Variants in ROBO2 observed in about 807,000 individuals in gnomAD.
The protein encoded by ROBO2 is roundabout homolog 2.
Under a neutral mutation model 160.8 loss-of-function variants are expected in ROBO2, and 53 were observed. The ratio of observed to expected loss-of-function variants is 0.33; its 90% CI spans 0.26 to 0.41. ROBO2 has a LOEUF of 0.41. Among genes scored for constraint, ROBO2 ranks in the 10% least tolerant of loss-of-function variants. ROBO2 has a pLI of 1.00. For missense variants in ROBO2, 1,577 were observed against 1,722.4 expected (o/e 0.92, Z 1.49); for synonymous variants, 664 against 611.7 (o/e 1.09, Z -1.26).
At chr3:76,346,374 C>T (rs2074532504) in intron 2 of ROBO2, among the ~76,000 whole-genome samples, 1 of 152,048 alleles carries the variant, frequency 6.6e-6, no homozygotes. Context: ...ACACCTCTTC[C>T]TTAGAAAGCA....
chr3:77,212,362 T>G (rs1261473582), intron 2 of ROBO2, among the ~76,000 whole-genome samples: 1 of 152,184 alleles, frequency 6.6e-6, no homozygotes, highest in African/African-American at 2.4e-5. Context: ...TCACTCATGA[T>G]TTGGCTCTCT....
At chr3:76,667,596 T>C (rs1274480399) in intron 2 of ROBO2, among the ~76,000 whole-genome samples, 1 of 152,076 alleles carries the variant, frequency 6.6e-6, no homozygotes, top group Non-Finnish European at 1.5e-5. Context: ...TAATTTGACA[T>C]ATTTTAATTG....
intron 2 of ROBO2, among the ~76,000 whole-genome samples, chr3:76,193,867 C>T (rs1702123190): frequency 6.6e-6 from 1 of 152,046 alleles, no homozygotes; most frequent in African/African-American, 2.4e-5. Flanking sequence ...TATTGAAGAA[C>T]TATGTGTTCT....
chr3:77,077,229 G>A (rs1245672096), intron 1 of ROBO2, among the ~76,000 whole-genome samples: 3 of 152,060 alleles, frequency 2.0e-5, no homozygotes, highest in Admixed American at 6.5e-5. Context: ...CAAAGCTTGT[G>A]GTGAGAATGA....
At chr3:77,634,115 T>A (rs1362352203) in intron 23 of ROBO2, 1 of 152,222 alleles carries the variant, frequency 6.6e-6, no homozygotes, top group East Asian at 1.9e-4. Flanking sequence ...AGCTAACCTT[T>A]TCCCAGAATA....
intron 2 of ROBO2, among the ~76,000 whole-genome samples, chr3:76,394,108 A>G (rs968331453): frequency 6.6e-6 from 1 of 152,090 alleles, no homozygotes; most frequent in Non-Finnish European, 1.5e-5. Context: ...TTTTAATTGT[A>G]GCATTTCGTC....
chr3:77,291,219 T>C (rs1356710962), intron 2 of ROBO2, among the ~76,000 whole-genome samples: 2 of 151,242 alleles, frequency 1.3e-5, no homozygotes, highest in East Asian at 1.9e-4. Flanking sequence ...AAGCTGAGGC[T>C]AGAGCACTAA....
intron 2 of ROBO2, among the ~76,000 whole-genome samples, chr3:76,515,560 T>C (rs12630586): frequency 0.3 from 45,729 of 151,910 alleles, 8,534 homozygotes; most frequent in Non-Finnish European, 0.41. Context: ...TTCAAATGTG[T>C]ACACATTGCT....
At chr3:77,169,792 G>C (rs981882868) in intron 2 of ROBO2, among the ~76,000 whole-genome samples, 1 of 151,930 alleles carries the variant, frequency 6.6e-6, no homozygotes, top group Admixed American at 6.6e-5. Context: ...GGTAGTTCCT[G>C]AGTTAAAAGT....
chr3:76,905,618 AC>A (rs1156382561), intron 2 of ROBO2, among the ~76,000 whole-genome samples: 4 of 152,090 alleles, frequency 2.6e-5, no homozygotes, highest in African/African-American at 9.7e-5. Context: ...TCTGGGGATT[AC>A]CTCATTAAAA....
At chr3:77,145,952 T>G (rs1480385401) in intron 2 of ROBO2, among the ~76,000 whole-genome samples, 2 of 152,166 alleles carry the variant, frequency 1.3e-5, no homozygotes, top group African/African-American at 2.4e-5. Context: ...TTCACCTGCC[T>G]GAGGTGGTGA....
chr3:76,020,118 T>C (rs892708647), intron 2 of ROBO2, among the ~76,000 whole-genome samples: 2 of 151,908 alleles, frequency 1.3e-5, no homozygotes, highest in Non-Finnish European at 2.9e-5. Context: ...TAATTATCAT[T>C]GTTTTATGAT....
chr3:77,415,530 T>TCTGTGGCCAG (rs1219731724), intron 2 of ROBO2, among the ~76,000 whole-genome samples: 1 of 152,154 alleles, frequency 6.6e-6, no homozygotes, highest in Non-Finnish European at 1.5e-5. Context: ...GCCAGAAATC[T>TCTGTGGCCAG]CTGTGGCCAG....
At chr3:77,004,883 AT>A (rs1432388348) in intron 2 of ROBO2, among the ~76,000 whole-genome samples, 1 of 152,086 alleles carries the variant, frequency 6.6e-6, no homozygotes, top group Non-Finnish European at 1.5e-5. Flanking sequence ...ATTCCCCAGA[AT>A]TACCACGCCT....
chr3:77,626,815 A>G lies in ROBO2; in HGVS notation c.3760+4383A>G, dbSNP rs115972599. On this transcript the variant is annotated intron_variant, in intron 23 of 25. Transcript: ENST00000461745. ...AAAGTTTCCTTGACTGCTGGACCCC[A>G]CATGAATATCACAGCTGAAAGGAAA... is the stretch of plus-strand genomic sequence containing the variant. Among the ~76,000 whole-genome samples the G allele has an allele frequency of 5.1e-3, 783 of 152,248 alleles. 13 individuals are homozygous for G. Among genetic ancestry groups the G allele is most frequent in the African/African-American group, 0.018 (758 of 41,564 alleles).
chr3:76,275,518 C>G (rs1238312686), intron 2 of ROBO2, among the ~76,000 whole-genome samples: 1 of 152,150 alleles, frequency 6.6e-6, no homozygotes, highest in Non-Finnish European at 1.5e-5. Context: ...AGTCATTTCA[C>G]TCTGTGACTA....
chr3:76,567,971 C>T (rs528068282), intron 2 of ROBO2, among the ~76,000 whole-genome samples: 3 of 150,354 alleles, frequency 2.0e-5, no homozygotes, highest in Admixed American at 6.6e-5. Context: ...CATACCACCA[C>T]GCTCAGATAA....
chr3:76,266,416 C>T (rs1260004099), intron 2 of ROBO2, among the ~76,000 whole-genome samples: 1 of 152,124 alleles, frequency 6.6e-6, no homozygotes, highest in African/African-American at 2.4e-5. Context: ...TCTATAACTA[C>T]TCTCACATCA....
At chr3:76,645,938 A>G (rs2090946783) in intron 2 of ROBO2, among the ~76,000 whole-genome samples, 1 of 152,174 alleles carries the variant, frequency 6.6e-6, no homozygotes, top group Admixed American at 6.5e-5. Context: ...GCAAAAAAAG[A>G]CACTGTGTCT....
Sources: gnomAD v4.1 joint callset for allele counts (sites outside exome capture counted in the v4.1 genomes callset) on GRCh38, gnomAD v4.1.1 for gene constraint, MANE v1.5 for transcripts, NCBI Gene and HGNC (gene_info 2026-07-23, HGNC 2026-07-21) for gene names.